TJP2: variants seen among roughly 807,000 people sequenced by gnomAD.
The protein encoded by TJP2 is Friedreich ataxia region gene X104 (tight junction protein ZO-2).
In TJP2, 91 loss-of-function variants were observed where a neutral mutation model predicts 133.1. That is an observed-to-expected ratio of 0.68 (90% CI 0.58 to 0.81). TJP2 has a LOEUF of 0.81. TJP2 is among the 40% of genes least tolerant of loss of function. The probability of loss-of-function intolerance (pLI) is 0.00; values close to 1 mark genes in which losing one functional copy is unlikely to be tolerated. For synonymous variants in TJP2, 592 were observed against 583.4 expected, an observed-to-expected ratio of 1.01 and a Z score of -0.21; for missense variants, 1,541 against 1,565.6, an observed-to-expected ratio of 0.98 and a Z score of 0.26.
intron 1 of TJP2, among the ~76,000 whole-genome samples, chr9:69,178,620 C>T (rs117614131): frequency 0.023 from 3,519 of 152,304 alleles, 86 homozygotes; most frequent in Middle Eastern, 0.037. Context: ...GACTTTCTGT[C>T]TTAAGCGTGT....
At chr9:69,248,465 G>A in intron 19 of TJP2, 1 of 1,351,630 alleles carries the variant, frequency 7.4e-7, no homozygotes, top group Non-Finnish European at 9.5e-7. Flanking sequence ...CATGCCCTCA[G>A]GTGCGATGGA....
At chr9:69,229,001 T>C (rs545232599) in intron 9 of TJP2, among the ~76,000 whole-genome samples, 183 bp from the exon 10 acceptor site, 1 of 152,352 alleles carries the variant, frequency 6.6e-6, no homozygotes, top group East Asian at 1.9e-4. Flanking sequence ...ATCTCTTGTA[T>C]TTTGAGAAAC....
At chr9:69,132,486 G>C (rs944337776) in intron 1 of TJP2, among the ~76,000 whole-genome samples, 2 of 152,154 alleles carry the variant, frequency 1.3e-5, no homozygotes, top group Non-Finnish European at 2.9e-5. Flanking sequence ...TGCAGGAGAA[G>C]GTGGAAGGAA....
In TJP2 at chr9:69,125,505, G is replaced by T. The variant is rs1822280603; in HGVS notation, c.-131+3780G>T. 2.7e-5 allele frequency among the ~76,000 whole-genome samples: 2 copies of T among 72,968 alleles called. 1 individual carries two copies. Among genetic ancestry groups the T allele is most frequent in the African/African-American group, 8.5e-5 (2 of 23,658 alleles). 47.9% of individuals were successfully genotyped at this position (72,968 alleles called of 152,430 possible). On this transcript the variant is annotated intron_variant, in intron 1 of 5. Coordinates refer to the TJP2 transcript ENST00000423935. ...GTAGAGACGGGATTTGTCCATGTTG[G>T]CCAGGCTGGTCTTGAACTCCTGGCC...
chr9:69,214,137 G>A (rs1430098728), intron 2 of TJP2, among the ~76,000 whole-genome samples: 1 of 152,190 alleles, frequency 6.6e-6, no homozygotes, highest in African/African-American at 2.4e-5. Flanking sequence ...CCAGGCTGGA[G>A]TGTAATTGCA....
At chr9:69,124,074 G>A (rs1822249698) in intron 1 of TJP2, among the ~76,000 whole-genome samples, 1 of 74,498 alleles carries the variant, frequency 1.3e-5, no homozygotes, top group African/African-American at 4.1e-5. Flanking sequence ...TAGAGACGGG[G>A]TTTCACCGTG....
intron 1 of TJP2, among the ~76,000 whole-genome samples, chr9:69,133,654 C>T (rs4745622): frequency 0.46 from 69,212 of 149,340 alleles, 16,088 homozygotes; most frequent in East Asian, 0.63. Context: ...CGAGTTCAAG[C>T]GATTCTCCTG....
intron 4 of TJP2, among the ~76,000 whole-genome samples, chr9:69,219,808 C>CTT (rs1382335483): frequency 6.6e-6 from 1 of 152,182 alleles, no homozygotes; most frequent in Non-Finnish European, 1.5e-5. Context: ...TCTTTAGTTC[C>CTT]TTTTAATCTA....
intron 1 of TJP2, among the ~76,000 whole-genome samples, chr9:69,149,669 C>T (rs1455736096): frequency 4.6e-5 from 7 of 152,170 alleles, no homozygotes; most frequent in African/African-American, 1.7e-4. Flanking sequence ...TTTCCTGTGA[C>T]TGCCCGAGTG....
intron 1 of TJP2, among the ~76,000 whole-genome samples, chr9:69,141,721 G>A (rs2133294117): frequency 6.6e-6 from 1 of 152,264 alleles, no homozygotes; most frequent in Middle Eastern, 3.4e-3. Context: ...CTCCCGAGTA[G>A]CTGGGATTAC....
In TJP2 at chr9:69,216,482, T is replaced by C. The variant is rs2498417; in HGVS notation, c.239+19T>C. 0.92 allele frequency: 1,479,232 copies of C among 1,613,654 alleles called. 678,404 individuals are homozygous for C. Among genetic ancestry groups the C allele is most frequent in the East Asian group, 0.94 (42,295 of 44,886 alleles). ...TGCTCCAGTGAGTGTCCTCCCTCGC[T>C]CCGCAGCCCCTACCAGCCCTACTGG... On this transcript the variant is annotated intron_variant, in intron 3 of 22. Transcript: ENST00000377245.
chr9:69,144,376 T>G (rs569158455), intron 1 of TJP2, among the ~76,000 whole-genome samples: 1 of 152,300 alleles, frequency 6.6e-6, no homozygotes, highest in Non-Finnish European at 1.5e-5. Flanking sequence ...ACACTCACTT[T>G]GGACATCTAG....
In TJP2 at chr9:69,251,182, C is replaced by T. The variant is rs148629740; in HGVS notation, c.3139C>T (p.Arg1047Trp). 29 of 1,614,110 alleles carry T rather than the reference C, an allele frequency of 1.8e-5. No individual in the cohort carries two copies. The highest frequency in any genetic ancestry group is 1.5e-4 in the African/African-American group (11 of 75,026). Residue 1047 changes from arginine to tryptophan, a missense_variant, in exon 21 of 23, where the codon CGG (arginine) becomes TGG (tryptophan). Coordinates refer to ENST00000377245, the MANE Select transcript of TJP2 (RefSeq NM_004817.4). ...PPVAAKPTFG[R>W]SILKPSTPIP... The stretch of plus-strand genomic sequence containing the variant: ...TGTTGCAGCAAAACCTACCTTTGGG[C>T]GGTCTATACTGAAGCCCTCCACTCC...
Position 69,221,259 on chromosome 9 carries a change from C to T in TJP2, c.715C>T (p.Arg239Cys), listed in dbSNP as rs755140866. The T allele has an allele frequency of 3.1e-6, 5 of 1,608,222 alleles. No individual in the cohort carries two copies. The highest frequency in any genetic ancestry group is 2.5e-6 in the Non-Finnish European group (3 of 1,177,800). The change falls in exon 5 of 23, where the codon CGC (arginine) becomes TGC (cysteine). Residue 239 changes from arginine to cysteine, a missense_variant. By Grantham distance (180) the Arg-to-Cys change is radical (BLOSUM62 -3). Transcript: ENST00000377245. ...FGPSRDRDRDRSRGRSIDQDY... is the reference protein window; with the variant it reads ...FGPSRDRDRDCSRGRSIDQDY... ...GCCATCCCGGGACCGGGACCGTGAC[C>T]GCAGCCGCGGCCGGAGCATTGACCA...
At chr9:69,231,852 T>C (rs1266185104) in intron 11 of TJP2, among the ~76,000 whole-genome samples, 3 of 152,258 alleles carry the variant, frequency 2.0e-5, no homozygotes, top group African/African-American at 7.2e-5. Context: ...ACCAGTTTAC[T>C]CTTTGCATAT....
chr9:69,161,233 TGTG>T (rs1274634385), intron 2 of TJP2, among the ~76,000 whole-genome samples: 3 of 152,082 alleles, frequency 2.0e-5, no homozygotes, highest in African/African-American at 7.2e-5. Context: ...TGTGTGTGTG[TGTG>T]TGTGTGTTTA....
intron 2 of TJP2, among the ~76,000 whole-genome samples, chr9:69,157,931 C>G (rs546551246): frequency 6.6e-6 from 1 of 152,226 alleles, no homozygotes; most frequent in Non-Finnish European, 1.5e-5. Flanking sequence ...ATGAGTAATA[C>G]TCAAGCTAGG....
At chr9:69,148,357 T>C (rs896707290) in intron 1 of TJP2, among the ~76,000 whole-genome samples, 8 of 148,906 alleles carry the variant, frequency 5.4e-5, no homozygotes, top group African/African-American at 2.0e-4. Context: ...CTTCTCATGC[T>C]TCCCCCTCTG....
intron 1 of TJP2, among the ~76,000 whole-genome samples, chr9:69,209,843 C>T (rs1431451795): frequency 6.6e-6 from 1 of 152,054 alleles, no homozygotes; most frequent in Non-Finnish European, 1.5e-5. Flanking sequence ...TTGGAAAATG[C>T]TGTTTTAGAC....
Sources: gnomAD v4.1 joint callset for allele counts (sites outside exome capture counted in the v4.1 genomes callset) on GRCh38, gnomAD v4.1.1 for gene constraint, MANE v1.5 for transcripts, NCBI Gene and HGNC (gene_info 2026-07-23, HGNC 2026-07-21) for gene names.